The following PTPRN2 variants were observed in gnomAD, a reference collection of about 807,000 sequenced individuals.
PTPRN2 encodes the protein protein tyrosine phosphatase receptor type N2, also known as receptor-type tyrosine-protein phosphatase N2.
Under a neutral mutation model 118.8 loss-of-function variants are expected in PTPRN2, and 74 were observed. The ratio of observed to expected loss-of-function variants is 0.62; its 90% CI spans 0.52 to 0.76. The LOEUF (loss-of-function observed/expected upper bound fraction) is 0.76, where lower values mean the gene tolerates loss of function less well. Among genes scored for constraint, PTPRN2 ranks in the 30% least tolerant of loss-of-function variants. PTPRN2 has a pLI of 0.00. For synonymous variants in PTPRN2, 641 were observed against 608.0 expected, an observed-to-expected ratio of 1.05 and a Z score of -0.80; for missense variants, 1,481 against 1,394.4, an observed-to-expected ratio of 1.06 and a Z score of -0.99.
At chr7:158,227,687 G>A (rs6950296) in intron 3 of PTPRN2, among the ~76,000 whole-genome samples, 38,873 of 152,120 alleles carry the variant, frequency 0.26, 5,663 homozygotes, top group African/African-American at 0.39. Context: ...GCTTGCCCTC[G>A]CATCAGCAAG....
At chr7:158,065,120 C>T (rs145983541) in intron 11 of PTPRN2, among the ~76,000 whole-genome samples, 7 of 152,310 alleles carry the variant, frequency 4.6e-5, no homozygotes, top group African/African-American at 9.6e-5. Context: ...GTGAGATTGC[C>T]GACTCGGGAC....
At position 157,585,918 on chromosome 7, in the gene PTPRN2, C is replaced by G. The variant is rs745795706; in HGVS notation, c.2497-7778G>C. 6.6e-6 allele frequency among the ~76,000 whole-genome samples: 1 copy of G among 152,186 alleles called. No individual in the cohort carries two copies. The highest frequency in any genetic ancestry group is 2.4e-5 in the African/African-American group (1 of 41,448). The stretch of plus-strand genomic sequence containing the variant: ...CATTTTAAATTCCGCATGTGTGCGG[C>G]GAGAGACTGACCGACCATCTTTGCA... On this transcript the variant is annotated intron_variant, in intron 17 of 22. Transcript: ENST00000389418. The surrounding 1 kb of genome is among the most constrained non-coding windows in gnomAD (Gnocchi z 5.2).
At chr7:157,792,915 A>C (rs1804609069) in intron 12 of PTPRN2, among the ~76,000 whole-genome samples, 1 of 152,354 alleles carries the variant, frequency 6.6e-6, no homozygotes, top group African/African-American at 2.4e-5. Context: ...TCAATCTCCC[A>C]GGGCCGCGGG....
chr7:158,322,062 C>T (rs1586254460), intron 2 of PTPRN2, among the ~76,000 whole-genome samples: 1 of 152,310 alleles, frequency 6.6e-6, no homozygotes, highest in Middle Eastern at 3.4e-3. Flanking sequence ...CAACGAGGCT[C>T]ATCATCTCTG....
intron 12 of PTPRN2, among the ~76,000 whole-genome samples, chr7:157,773,155 C>G (rs980795561): frequency 6.6e-6 from 1 of 152,216 alleles, no homozygotes. Context: ...GGACCTCGTT[C>G]TAGGCACTCG....
At chr7:157,838,274 AC>A (rs1808123117) in intron 12 of PTPRN2, among the ~76,000 whole-genome samples, 1 of 72,882 alleles carries the variant, frequency 1.4e-5, no homozygotes. Flanking sequence ...TCTCCGCCGT[AC>A]CTATTCCAGT....
At chr7:158,572,861 T>C (rs1323775610) in intron 1 of PTPRN2, among the ~76,000 whole-genome samples, 1 of 152,234 alleles carries the variant, frequency 6.6e-6, no homozygotes, top group Non-Finnish European at 1.5e-5. Flanking sequence ...GAGACTATAG[T>C]ACATATTATC....
intron 10 of PTPRN2, among the ~76,000 whole-genome samples, chr7:158,102,000 C>T (rs1168860954): frequency 6.6e-6 from 1 of 152,182 alleles, no homozygotes; most frequent in East Asian, 1.9e-4. Flanking sequence ...AGCCATGGAG[C>T]TTGCAGCTGA....
At position 157,845,900 on chromosome 7, in the gene PTPRN2, G is replaced by GA. The variant is rs528319507; in HGVS notation, c.1788+52772dup. Among the ~76,000 whole-genome samples, 97 of 152,252 alleles carry GA rather than the reference G, an allele frequency of 6.4e-4. No homozygotes were observed. Among genetic ancestry groups the GA allele is most frequent in the Non-Finnish European group, 7.8e-4 (53 of 68,000 alleles). Reference sequence around the variant, plus strand: ...AGGCAGATTAAAGCCTAAATGGGGGGAAAAAACCTGTAAATGTTTTGAAGA... The same window carrying GA: ...AGGCAGATTAAAGCCTAAATGGGGGGAAAAAAACCTGTAAATGTTTTGAAGA... On this transcript the variant is annotated intron_variant, in intron 12 of 22. Coordinates refer to ENST00000389418, the MANE Select transcript of PTPRN2 (RefSeq NM_002847.5). This position sits in a 1 kb window ranked among gnomAD's most constrained non-coding sequence, Gnocchi z 4.5.
chr7:157,772,219 A>G (rs960277226), intron 12 of PTPRN2, among the ~76,000 whole-genome samples: 11 of 151,866 alleles, frequency 7.2e-5, no homozygotes, highest in Non-Finnish European at 8.8e-5. Flanking sequence ...ACACACATAG[A>G]CACAGACACA....
chr7:157,959,263 G>C (rs576545518), intron 11 of PTPRN2, among the ~76,000 whole-genome samples: 19 of 152,288 alleles, frequency 1.2e-4, no homozygotes, highest in African/African-American at 4.6e-4. Context: ...TAAAGCTCTA[G>C]GAAGACTTAG....
intron 12 of PTPRN2, among the ~76,000 whole-genome samples, chr7:157,811,890 C>G (rs1806064983): frequency 6.6e-6 from 1 of 152,118 alleles, no homozygotes; most frequent in African/African-American, 2.4e-5. Flanking sequence ...GAACTCAGGA[C>G]AAGGCCATCT....
intron 2 of PTPRN2, among the ~76,000 whole-genome samples, chr7:158,346,141 A>G (rs1563184887): frequency 6.6e-6 from 1 of 152,228 alleles, no homozygotes; most frequent in Non-Finnish European, 1.5e-5. Flanking sequence ...CACTTCAAAT[A>G]CTTAACATTT....
chr7:158,025,614 C>T (rs1807205313), intron 11 of PTPRN2, among the ~76,000 whole-genome samples: 1 of 152,192 alleles, frequency 6.6e-6, no homozygotes, highest in Admixed American at 6.5e-5. Context: ...ATGTGACCAC[C>T]TTGGGGGATG....
intron 21 of PTPRN2, among the ~76,000 whole-genome samples, chr7:157,556,425 A>G (rs1585026070): frequency 1.3e-5 from 2 of 150,848 alleles, no homozygotes; most frequent in African/African-American, 4.9e-5. Context: ...ACGCACATGC[A>G]CACACACACA....
intron 12 of PTPRN2, among the ~76,000 whole-genome samples, chr7:157,761,819 C>A (rs1802148425): frequency 6.6e-6 from 1 of 151,438 alleles, no homozygotes. Flanking sequence ...AGGCAACCTA[C>A]AGAATGGGAG....
At chr7:157,762,925 C>A (rs552369166) in intron 12 of PTPRN2, among the ~76,000 whole-genome samples, 1 of 152,312 alleles carries the variant, frequency 6.6e-6, no homozygotes, top group African/African-American at 2.4e-5. Context: ...GCATGTTAGG[C>A]CCAGGTGCTG....
chr7:158,208,342 A>G (rs1417521459), intron 3 of PTPRN2, among the ~76,000 whole-genome samples: 1 of 152,234 alleles, frequency 6.6e-6, no homozygotes, highest in Non-Finnish European at 1.5e-5. Context: ...GACTACCTCA[A>G]GACATTTAAT....
chr7:157,780,399 C>A lies in PTPRN2; in HGVS notation c.1789-97462G>T, dbSNP rs73165848. Among the ~76,000 whole-genome samples the A allele has an allele frequency of 3.3e-5, 5 of 152,148 alleles. No individual in the cohort carries two copies. The highest frequency in any genetic ancestry group is 1.2e-4 in the African/African-American group (5 of 41,442). On this transcript the variant is annotated intron_variant, in intron 12 of 22. Transcript: ENST00000389418. The surrounding 1 kb of genome is among the most constrained non-coding windows in gnomAD (Gnocchi z 4.5). ...TATATAAGGGGTGGCGGCTGCTCAG[C>A]GAGGCCTCAGGAGTGTGAAGGAGGC...
Sources: allele counts gnomAD v4.1 joint callset (sites outside exome capture counted in the v4.1 genomes callset), GRCh38; gene constraint gnomAD v4.1.1; non-coding constraint Gnocchi (gnomAD v3.1); transcripts MANE v1.5; gene names NCBI Gene and HGNC (gene_info 2026-07-23, HGNC 2026-07-21).